PRKCE: variants seen among roughly 807,000 people sequenced by gnomAD.
The protein encoded by PRKCE is protein kinase C epsilon, also known as protein kinase C epsilon type.
Under a neutral mutation model 85.4 loss-of-function variants are expected in PRKCE, and 16 were observed. That is an observed-to-expected ratio of 0.19 (90% CI 0.13 to 0.28). The LOEUF is 0.28. PRKCE is among the 10% of genes least tolerant of loss of function. The pLI is 1.00. For missense variants in PRKCE, 573 were observed against 975.2 expected, an observed-to-expected ratio of 0.59 and a Z score of 5.49; for synonymous variants, 388 against 371.5, an observed-to-expected ratio of 1.04 and a Z score of -0.51.
intron 11 of PRKCE, among the ~76,000 whole-genome samples, chr2:46,100,108 G>A (rs186799450): frequency 6.6e-6 from 1 of 152,132 alleles, no homozygotes; most frequent in African/African-American, 2.4e-5. Context: ...TGTTTGGTCT[G>A]GGAATGCCTT....
Position 45,651,952 on chromosome 2 carries a change from G to A in PRKCE, c.-149G>A, listed in dbSNP as rs554579350. ...ACTGGCTGAGAATCGCCCGCGCCAG[G>A]GCGCAACGCCACAAGGTGTAGGGAG... On this transcript the variant is annotated 5_prime_UTR_variant, in exon 1 of 15. Coordinates refer to ENST00000306156, the MANE Select transcript of PRKCE (RefSeq NM_005400.3). 2 of 615,996 alleles carry A rather than the reference G, an allele frequency of 3.2e-6. No homozygotes were observed. Among genetic ancestry groups the A allele is most frequent in the African/African-American group, 3.7e-5 (2 of 54,146 alleles). The allele number at this position is 615,996 out of a possible 1,614,324, so 38.2% of individuals were successfully genotyped here. A position where few individuals can be genotyped will look rare whatever the true frequency, so the allele number is the denominator to read the frequency against.
At chr2:46,114,302 G>C (rs1394274317) in intron 11 of PRKCE, among the ~76,000 whole-genome samples, 1 of 152,066 alleles carries the variant, frequency 6.6e-6, no homozygotes, top group Non-Finnish European at 1.5e-5. Context: ...CGATCAGGGG[G>C]GCTTTGTGGA....
chr2:45,975,672 C>G (rs551373337), intron 2 of PRKCE, among the ~76,000 whole-genome samples: 1 of 152,280 alleles, frequency 6.6e-6, no homozygotes. Flanking sequence ...TTGTGATCAT[C>G]TGTGAGTCCC....
intron 2 of PRKCE, among the ~76,000 whole-genome samples, chr2:45,920,425 T>C (rs1698165221): frequency 6.6e-6 from 1 of 152,150 alleles, no homozygotes; most frequent in Admixed American, 6.5e-5. Context: ...ATGATCCCAA[T>C]AGGAATGAAA....
chr2:45,963,168 C>T (rs1166742428), intron 2 of PRKCE, among the ~76,000 whole-genome samples: 4 of 152,028 alleles, frequency 2.6e-5, no homozygotes. Context: ...AAGCTCGTTT[C>T]CTGATCAGTA....
intron 1 of PRKCE, among the ~76,000 whole-genome samples, chr2:45,718,633 C>T (rs1186818674): frequency 4.6e-5 from 7 of 152,034 alleles, no homozygotes; most frequent in South Asian, 2.1e-4. Context: ...TGAGCCACTG[C>T]GCCCAGCCAA....
In PRKCE at chr2:45,698,641, T is replaced by C. The variant is rs1387379701; in HGVS notation, c.348+46193T>C. 3.3e-5 allele frequency among the ~76,000 whole-genome samples: 5 copies of C among 152,032 alleles called. No homozygotes were observed. The East Asian group carries it at 9.7e-4, about 29-fold the overall frequency. On this transcript the variant is annotated intron_variant, in intron 1 of 14. Transcript: ENST00000306156. The stretch of plus-strand genomic sequence containing the variant: ...AAGAGAGGGGGAGGGGTGTCAGCAA[T>C]GGAAGTAGGAAACAACAAGGATGAG...
chr2:45,652,086 C>CA lies in PRKCE; in HGVS notation c.-15_-14insA. The CA allele has an allele frequency of 6.0e-6, 9 of 1,512,510 alleles. No homozygotes were observed. The highest frequency in any genetic ancestry group is 8.0e-6 in the Non-Finnish European group (9 of 1,120,250). The allele number at this position is 1,512,510 out of a possible 1,614,324, so 93.7% of individuals were successfully genotyped here. On this transcript the variant is annotated 5_prime_UTR_variant, in exon 1 of 15. Transcript: ENST00000306156. The surrounding 1 kb of genome is among the most constrained non-coding windows in gnomAD (Gnocchi z 7.7). The stretch of plus-strand genomic sequence containing the variant: ...GCAGACGGAGTGACCCCGGCCCCCA[C>CA]TCCCCGCCCCGACCATGGTAGTGTT...
At chr2:45,836,944 G>GC (rs1690929997) in intron 1 of PRKCE, among the ~76,000 whole-genome samples, 1 of 152,180 alleles carries the variant, frequency 6.6e-6, no homozygotes, top group Non-Finnish European at 1.5e-5. Flanking sequence ...CTCGAATTGG[G>GC]CCTGTGTGAC....
chr2:46,104,443 T>C (rs1290194377), intron 11 of PRKCE, among the ~76,000 whole-genome samples: 3 of 152,138 alleles, frequency 2.0e-5, no homozygotes, highest in African/African-American at 7.2e-5. Flanking sequence ...CTTTCATGGC[T>C]TTTTCTAGAA....
At chr2:45,982,466 G>A (rs1443031513) in intron 5 of PRKCE, among the ~76,000 whole-genome samples, 3 of 152,198 alleles carry the variant, frequency 2.0e-5, no homozygotes, top group Non-Finnish European at 4.4e-5. Flanking sequence ...ATGTCTGTGT[G>A]TCTTAGCATG....
At chr2:45,981,786 T>C (rs1452837061) in intron 5 of PRKCE, among the ~76,000 whole-genome samples, 1 of 152,206 alleles carries the variant, frequency 6.6e-6, no homozygotes, top group South Asian at 2.1e-4. Flanking sequence ...TTATGCTGTG[T>C]CCCATGGAAA....
At chr2:46,168,934 T>C (rs1009866521) in intron 14 of PRKCE, among the ~76,000 whole-genome samples, 1 of 152,168 alleles carries the variant, frequency 6.6e-6, no homozygotes, top group African/African-American at 2.4e-5. Context: ...CGGAGAGGAC[T>C]AAAGGATGGT....
At chr2:46,175,582 C>T (rs1266500820) in intron 14 of PRKCE, among the ~76,000 whole-genome samples, 6 of 152,146 alleles carry the variant, frequency 3.9e-5, no homozygotes, top group Non-Finnish European at 8.8e-5. Flanking sequence ...ATAATTGGCC[C>T]AAGGCCACAA....
At chr2:45,925,705 G>C (rs186085675) in intron 2 of PRKCE, among the ~76,000 whole-genome samples, 3 of 152,186 alleles carry the variant, frequency 2.0e-5, no homozygotes, top group Non-Finnish European at 4.4e-5. Flanking sequence ...GCATAAGCTC[G>C]GGGAGCTCAC....
chr2:46,007,619 G>T lies in PRKCE; in HGVS notation c.1221G>T (p.Glu407Asp), dbSNP rs762562237. 2.5e-6 allele frequency: 4 copies of T among 1,599,804 alleles called. No homozygotes were observed. The highest frequency in any genetic ancestry group is 3.4e-6 in the Non-Finnish European group (4 of 1,179,972). ...QGQAKRLGLDEFNFIKVLGKG... is the reference protein window; with the variant it reads ...QGQAKRLGLDDFNFIKVLGKG... ...AGGCCAAGCGCCTGGGCCTGGATGA[G>T]TTCAACTTCATCAAGGTGTTGGGCA... is the stretch of plus-strand genomic sequence containing the variant. Residue 407 changes from glutamate to aspartate, a missense_variant, in exon 9 of 15, where the codon GAG (glutamate) becomes GAT (aspartate). Coordinates refer to ENST00000306156, the MANE Select transcript of PRKCE (RefSeq NM_005400.3).
intron 10 of PRKCE, among the ~76,000 whole-genome samples, chr2:46,015,715 G>GAAAAAAAAAA (rs1706080548): frequency 7.2e-6 from 1 of 139,508 alleles, no homozygotes; most frequent in Non-Finnish European, 1.5e-5. Flanking sequence ...AAAAAAAAAC[G>GAAAAAAAAAA]AAGTAAAAAT....
At chr2:45,860,287 AG>A (rs1289388305) in intron 2 of PRKCE, among the ~76,000 whole-genome samples, 5 of 152,336 alleles carry the variant, frequency 3.3e-5, no homozygotes, top group African/African-American at 1.2e-4. Flanking sequence ...TGCTGTGTTT[AG>A]GGGTTGCTCC....
At chr2:45,964,403 G>C (rs1360824160) in intron 2 of PRKCE, among the ~76,000 whole-genome samples, 2 of 152,176 alleles carry the variant, frequency 1.3e-5, no homozygotes, top group Non-Finnish European at 2.9e-5. Context: ...GATCATCACT[G>C]GCACCAACAG....
Sources: gnomAD v4.1 joint callset for allele counts (sites outside exome capture counted in the v4.1 genomes callset) on GRCh38, gnomAD v4.1.1 for gene constraint, Gnocchi (gnomAD v3.1) non-coding constraint, MANE v1.5 for transcripts, NCBI Gene and HGNC (gene_info 2026-07-23, HGNC 2026-07-21) for gene names.